MKLN1: variants seen among roughly 807,000 people sequenced by gnomAD.
MKLN1 encodes the protein muskelin.
MKLN1 carries 18 observed loss-of-function variants against 99.0 expected under a neutral mutation model. The ratio of observed to expected loss-of-function variants is 0.18; its 90% CI spans 0.13 to 0.27. MKLN1 has a LOEUF of 0.27. Among genes scored for constraint, MKLN1 ranks in the 10% least tolerant of loss-of-function variants. The pLI, the probability that MKLN1 is intolerant of heterozygous loss-of-function variation, is 1.00. For missense variants in MKLN1, 621 were observed against 875.9 expected (o/e 0.71, Z 3.67); for synonymous variants, 288 against 293.2 (o/e 0.98, Z 0.18).
Position 131,385,445 on chromosome 7 carries a change from T to G in MKLN1, c.169-1675T>G, listed in dbSNP as rs532898088. ...CTTTTTGAGGCACTGCCAAATGATT[T>G]TCCACAGTATGTGTACCGTTTTACA... is the stretch of plus-strand genomic sequence containing the variant. On this transcript the variant is annotated intron_variant, in intron 2 of 17. Coordinates refer to ENST00000352689, the MANE Select transcript of MKLN1 (RefSeq NM_013255.5). Among the ~76,000 whole-genome samples, 4 of 152,290 alleles carry G rather than the reference T, an allele frequency of 2.6e-5. No homozygotes were observed. The East Asian group carries it at 7.7e-4, about 29-fold the overall frequency.
At chr7:131,321,769 T>C (rs1210534995) in intron 3 of MKLN1, among the ~76,000 whole-genome samples, 1 of 152,170 alleles carries the variant, frequency 6.6e-6, no homozygotes, top group Non-Finnish European at 1.5e-5. Flanking sequence ...CAAGGATGCA[T>C]GGGGCATCTC....
At chr7:131,351,105 A>G (rs2895229) in intron 1 of MKLN1, among the ~76,000 whole-genome samples, 73,653 of 151,780 alleles carry the variant, frequency 0.49, 18,373 homozygotes, top group East Asian at 0.68. Context: ...TCCATTAGCC[A>G]GGTGTGGTGG....
At chr7:131,342,398 T>C (rs1799434843) in intron 1 of MKLN1, among the ~76,000 whole-genome samples, 1 of 152,244 alleles carries the variant, frequency 6.6e-6, no homozygotes, top group South Asian at 2.1e-4. Context: ...TGTACAGACA[T>C]GTACACACAT....
At chr7:131,442,558 A>C (rs1335292662) in intron 10 of MKLN1, among the ~76,000 whole-genome samples, 1 of 152,182 alleles carries the variant, frequency 6.6e-6, no homozygotes, top group Non-Finnish European at 1.5e-5. Context: ...GGAAAAAAAA[A>C]CAAATTATGA....
Position 131,487,039 on chromosome 7 carries a change from T to C in MKLN1, c.2087-568T>C, listed in dbSNP as rs930800894. On this transcript the variant is annotated intron_variant, in intron 17 of 17. Transcript: ENST00000352689. This position sits in a 1 kb window ranked among gnomAD's most constrained non-coding sequence, Gnocchi z 4.7. ...CAGATACCATTCTGCATATTGTACATGTATCTCCCTCAGTCGTCTCTGTTA... is the reference window on the plus strand; with the variant it reads ...CAGATACCATTCTGCATATTGTACACGTATCTCCCTCAGTCGTCTCTGTTA... Among the ~76,000 whole-genome samples, 5 of 152,162 alleles carry C rather than the reference T, an allele frequency of 3.3e-5. No individual in the cohort carries two copies. The highest frequency in any genetic ancestry group is 1.2e-4 in the African/African-American group (5 of 41,458).
rs918642081 is a variant in MKLN1 at position 131,493,632 on chromosome 7, A to T, written c.*5904A>T. On this transcript the variant is annotated 3_prime_UTR_variant, in exon 18 of 18. Transcript: ENST00000352689. ...GTTAATGGGCTCTAGATCTTAAACT[A>T]GGTGAGCAGCTTCTTACATACAACC... The T allele has an allele frequency of 2.0e-5, 3 of 152,228 alleles. No individual in the cohort carries two copies. The highest frequency in any genetic ancestry group is 7.2e-5 in the African/African-American group (3 of 41,464). The allele number at this position is 152,228 out of a possible 1,614,324, so 9.4% of individuals were successfully genotyped here. A position where few individuals can be genotyped will look rare whatever the true frequency, so the allele number is the denominator to read the frequency against.
upstream of MKLN1, among the ~76,000 whole-genome samples, chr7:131,324,599 C>T (rs1427818881): frequency 6.6e-6 from 1 of 152,110 alleles, no homozygotes; most frequent in Non-Finnish European, 1.5e-5. Context: ...GAGTTATTTA[C>T]CAAGAATTTA....
intron 1 of MKLN1, among the ~76,000 whole-genome samples, chr7:131,139,681 T>C (rs1795702334): frequency 6.6e-6 from 1 of 152,204 alleles, no homozygotes; most frequent in African/African-American, 2.4e-5. Flanking sequence ...CTGTAGGTCA[T>C]CTCAGCAGTG....
At chr7:131,467,176 C>T (rs1279110396) in intron 15 of MKLN1, among the ~76,000 whole-genome samples, 1 of 152,124 alleles carries the variant, frequency 6.6e-6, no homozygotes, top group Non-Finnish European at 1.5e-5. Flanking sequence ...TTACTTTATG[C>T]TAGACCCTGT....
At chr7:131,304,068 A>C (rs1398521874) in intron 3 of MKLN1, among the ~76,000 whole-genome samples, 1 of 152,202 alleles carries the variant, frequency 6.6e-6, no homozygotes, top group East Asian at 1.9e-4. Context: ...GGCCTCAAAA[A>C]TGTCCCCTGA....
intron 2 of MKLN1, among the ~76,000 whole-genome samples, chr7:131,175,274 T>C (rs532354098): frequency 2.1e-4 from 12 of 57,568 alleles, no homozygotes; most frequent in Non-Finnish European, 3.9e-4. Flanking sequence ...ATAGAGTAGG[T>C]GGAAGAAACT....
chr7:131,327,770 G>T, upstream of MKLN1: 1 of 1,425,736 alleles, frequency 7.0e-7, no homozygotes, highest in Non-Finnish European at 9.2e-7. Context: ...CGCTGGGCTC[G>T]GGTAACGATG....
At chr7:131,137,104 C>T (rs770734273) in intron 1 of MKLN1, among the ~76,000 whole-genome samples, 11 of 152,108 alleles carry the variant, frequency 7.2e-5, no homozygotes, top group Non-Finnish European at 8.8e-5. Flanking sequence ...CCACCCACCT[C>T]GGCCTTCCAA....
At chr7:131,370,568 C>G (rs1357985085) in intron 1 of MKLN1, among the ~76,000 whole-genome samples, 1 of 151,292 alleles carries the variant, frequency 6.6e-6, no homozygotes, top group Non-Finnish European at 1.5e-5. Context: ...TCGCATACCT[C>G]AAATAGTTGG....
chr7:131,400,153 T>C (rs945800735), intron 6 of MKLN1, among the ~76,000 whole-genome samples: 1 of 152,110 alleles, frequency 6.6e-6, no homozygotes, highest in South Asian at 2.1e-4. Flanking sequence ...GTGCATCCTT[T>C]ATAGGAAGAA....
rs746210534 is a variant in MKLN1, at chr7:131,443,592, T to C, written c.1285T>C (p.Phe429Leu). The part of the protein sequence containing the change: ...RASEPQFSGL[F>L]AFNCQCQTWK... The stretch of plus-strand genomic sequence containing the variant: ...CAGTGAACCACAATTCAGTGGCTTG[T>C]TTGCTTTCAACTGTCAATGTCAAAC... Residue 429 changes from phenylalanine (F) to leucine (L), a missense_variant, in exon 11 of 18, where the codon TTT becomes CTT. By Grantham distance (22) the Phe-to-Leu change is conservative. Coordinates refer to ENST00000352689, the MANE Select transcript of MKLN1 (RefSeq NM_013255.5). The C allele has an allele frequency of 1.2e-6, 2 of 1,614,122 alleles. No homozygotes were observed. The highest frequency in any genetic ancestry group is 2.7e-5 in the African/African-American group (2 of 75,052).
rs57016059 is a variant in MKLN1 at position 131,346,520 on chromosome 7, C to CA, written c.98+18537dup. On this transcript the variant is annotated intron_variant, in intron 1 of 17. Transcript: ENST00000352689. ...CTAGTGACAGAGCGAGACTCAGTCT[C>CA]AAAAAAAAAAAAAACCCAAAAAACA... Among the ~76,000 whole-genome samples the CA allele has an allele frequency of 3.9e-3, 544 of 137,948 alleles. 2 individuals are homozygous for CA. The highest frequency in any genetic ancestry group is 0.012 in the African/African-American group (442 of 37,492). The allele number at this position is 137,948 out of a possible 152,430, so 90.5% of individuals were successfully genotyped here.
At chr7:131,251,014 G>A (rs1443227062) in intron 3 of MKLN1, among the ~76,000 whole-genome samples, 1 of 152,098 alleles carries the variant, frequency 6.6e-6, no homozygotes, top group Non-Finnish European at 1.5e-5. Flanking sequence ...TCAGATGCTG[G>A]TGAAGCCTCA....
At chr7:131,300,797 CCACTGTT>C (rs1298890175) in intron 3 of MKLN1, among the ~76,000 whole-genome samples, 4 of 151,972 alleles carry the variant, frequency 2.6e-5, no homozygotes, top group Non-Finnish European at 5.9e-5. Context: ...TACTGATTAG[CCACTGTT>C]CATAACTCTG....
Sources: gnomAD v4.1 joint callset for allele counts (sites outside exome capture counted in the v4.1 genomes callset) on GRCh38, gnomAD v4.1.1 for gene constraint, Gnocchi (gnomAD v3.1) non-coding constraint, MANE v1.5 for transcripts, NCBI Gene and HGNC (gene_info 2026-07-23, HGNC 2026-07-21) for gene names.